Variants in LRP1B observed in about 807,000 individuals in gnomAD.
The protein encoded by LRP1B is LDL receptor related protein 1B, also known as low-density lipoprotein receptor-related protein 1B.
Under a neutral mutation model 556.6 loss-of-function variants are expected in LRP1B, and 217 were observed. The observed-to-expected ratio is 0.39, with a 90% CI of 0.35 to 0.44. The LOEUF (loss-of-function observed/expected upper bound fraction) is 0.44. Among genes scored for constraint, LRP1B ranks in the 20% least tolerant of loss-of-function variants. LRP1B has a pLI of 1.00. For missense variants in LRP1B, 5,053 were observed against 5,620.8 expected (o/e 0.90, Z 3.23); for synonymous variants, 2,047 against 1,865.8 (o/e 1.10, Z -2.50).
chr2:141,340,686 A>G (rs1245852124), intron 3 of LRP1B, among the ~76,000 whole-genome samples: 2 of 152,226 alleles, frequency 1.3e-5, no homozygotes, highest in Non-Finnish European at 2.9e-5. Flanking sequence ...AGAAAAGGTA[A>G]TATAATCTTC....
At chr2:140,794,308 A>G (rs576080490) in intron 32 of LRP1B, among the ~76,000 whole-genome samples, 96 of 152,216 alleles carry the variant, frequency 6.3e-4, no homozygotes, top group Non-Finnish European at 7.1e-4. Flanking sequence ...AAAATATCAG[A>G]CAGGCACACA....
chr2:141,199,313 G>T (rs868741457), intron 6 of LRP1B, among the ~76,000 whole-genome samples: 2 of 152,056 alleles, frequency 1.3e-5, no homozygotes, highest in African/African-American at 4.8e-5. Context: ...TACCATGAAG[G>T]CCACTCAGGA....
intron 2 of LRP1B, among the ~76,000 whole-genome samples, chr2:141,588,541 C>G (rs1203622600): frequency 6.6e-6 from 1 of 152,132 alleles, no homozygotes; most frequent in East Asian, 1.9e-4. Context: ...GTTTTAGCCC[C>G]TCTCCAGCAG....
At chr2:141,623,861 A>G (rs1265378429) in intron 2 of LRP1B, among the ~76,000 whole-genome samples, 1 of 151,628 alleles carries the variant, frequency 6.6e-6, no homozygotes, top group African/African-American at 2.4e-5. Flanking sequence ...CTAAAAATAC[A>G]AAAATTAGCC....
At chr2:140,819,457 G>T (rs1005036629) in intron 31 of LRP1B, among the ~76,000 whole-genome samples, 1 of 151,942 alleles carries the variant, frequency 6.6e-6, no homozygotes, top group African/African-American at 2.4e-5. Flanking sequence ...CCAACAAAAG[G>T]TAAGTATCAA....
chr2:141,986,486 C>A (rs549230655), intron 1 of LRP1B, among the ~76,000 whole-genome samples: 1 of 151,678 alleles, frequency 6.6e-6, no homozygotes, highest in East Asian at 1.9e-4. Context: ...TATTTTTTTT[C>A]TTTATATTTA....
chr2:141,497,473 A>G (rs543687562), intron 2 of LRP1B, among the ~76,000 whole-genome samples: 1 of 152,208 alleles, frequency 6.6e-6, no homozygotes, highest in South Asian at 2.1e-4. Context: ...GTTTACAGCT[A>G]TAAAATAACC....
At chr2:141,465,980 C>G (rs372069685) in intron 3 of LRP1B, among the ~76,000 whole-genome samples, 4 of 152,036 alleles carry the variant, frequency 2.6e-5, no homozygotes, top group East Asian at 3.9e-4. Flanking sequence ...CCTCTGTCCC[C>G]CAGGTTCAAG....
At chr2:140,532,375 TTTTG>T (rs1458642511) in intron 47 of LRP1B, among the ~76,000 whole-genome samples, 3 of 151,028 alleles carry the variant, frequency 2.0e-5, no homozygotes, top group African/African-American at 4.8e-5. Context: ...CTTCTCTGTT[TTTTG>T]TTTGTTTGTT....
At chr2:141,207,754 C>A (rs1186491532) in intron 6 of LRP1B, among the ~76,000 whole-genome samples, 1 of 152,204 alleles carries the variant, frequency 6.6e-6, no homozygotes, top group Non-Finnish European at 1.5e-5. Context: ...CAGCTCACTG[C>A]AACCTCTGCC....
At chr2:141,047,794 T>C (rs1342542591) in intron 11 of LRP1B, among the ~76,000 whole-genome samples, 1 of 152,104 alleles carries the variant, frequency 6.6e-6, no homozygotes, top group Non-Finnish European at 1.5e-5. Context: ...GAGATTGTGC[T>C]TTTCTTTTTT....
At chr2:140,419,476 C>A (rs1424535635) in intron 66 of LRP1B, among the ~76,000 whole-genome samples, 1 of 152,108 alleles carries the variant, frequency 6.6e-6, no homozygotes, top group Non-Finnish European at 1.5e-5. Context: ...ATGTATAGAA[C>A]AGTCCACCCA....
At chr2:140,428,566 G>A (rs1300406282) in intron 66 of LRP1B, among the ~76,000 whole-genome samples, 4 of 152,136 alleles carry the variant, frequency 2.6e-5, no homozygotes, top group Admixed American at 1.3e-4. Flanking sequence ...TCTGGCCCAA[G>A]GCTCTGACTC....
chr2:140,743,024 T>C (rs1347099825), intron 35 of LRP1B, among the ~76,000 whole-genome samples: 1 of 152,144 alleles, frequency 6.6e-6, no homozygotes, highest in Non-Finnish European at 1.5e-5. Flanking sequence ...TTTTTTTTTA[T>C]TAGTGAACAT....
intron 66 of LRP1B, among the ~76,000 whole-genome samples, chr2:140,388,133 C>T (rs1367134987): frequency 2.0e-5 from 3 of 152,024 alleles, no homozygotes; most frequent in Non-Finnish European, 2.9e-5. Flanking sequence ...GACAGGGTTT[C>T]GCCATGTAGG....
chr2:142,061,922 T>C (rs1347121678), intron 1 of LRP1B, among the ~76,000 whole-genome samples: 1 of 151,918 alleles, frequency 6.6e-6, no homozygotes, highest in Non-Finnish European at 1.5e-5. Flanking sequence ...CTTGATCAAC[T>C]TGTACCCTGG....
chr2:141,653,929 G>A (rs1268903449), intron 2 of LRP1B, among the ~76,000 whole-genome samples: 8 of 152,104 alleles, frequency 5.3e-5, no homozygotes, highest in African/African-American at 1.9e-4. Context: ...TGCTACAATT[G>A]TTTGGGCCAC....
At chr2:140,898,912 A>G in intron 23 of LRP1B, 1 of 382,716 alleles carries the variant, frequency 2.6e-6, no homozygotes. Context: ...CTGGAAGAAG[A>G]TATCTCAGGT....
At chr2:141,721,713 T>C (rs1035157915) in intron 2 of LRP1B, among the ~76,000 whole-genome samples, 2 of 152,190 alleles carry the variant, frequency 1.3e-5, no homozygotes, top group Admixed American at 6.5e-5. Flanking sequence ...ATAAATTATG[T>C]GGCAAAACTG....
Sources: gnomAD v4.1 joint callset for allele counts (sites outside exome capture counted in the v4.1 genomes callset) on GRCh38, gnomAD v4.1.1 for gene constraint, MANE v1.5 for transcripts, NCBI Gene and HGNC (gene_info 2026-07-23, HGNC 2026-07-21) for gene names.